Variants in ITPR2 observed in about 807,000 individuals in gnomAD.
ITPR2 encodes the protein inositol 1,4,5-trisphosphate receptor type 2, also known as inositol 1,4,5-trisphosphate-gated calcium channel ITPR2.
Under a neutral mutation model 317.1 loss-of-function variants are expected in ITPR2, and 207 were observed. The observed-to-expected ratio is 0.65, with a 90% CI of 0.58 to 0.73. The LOEUF (loss-of-function observed/expected upper bound fraction) is 0.73. Ranked by LOEUF, ITPR2 falls within the 30% of genes least tolerant of loss-of-function variation. The pLI, the probability that ITPR2 is intolerant of heterozygous loss-of-function variation, is 0.00. For synonymous variants in ITPR2, 1,156 were observed against 1,149.1 expected, an observed-to-expected ratio of 1.01 and a Z score of -0.12; for missense variants, 2,613 against 3,284.0, an observed-to-expected ratio of 0.80 and a Z score of 4.99.
intron 49 of ITPR2, among the ~76,000 whole-genome samples, chr12:26,421,731 G>C (rs888898755): frequency 2.6e-5 from 4 of 152,314 alleles, no homozygotes; most frequent in South Asian, 2.1e-4. Context: ...TGGTCACAAG[G>C]CTCTTCTGAG....
chr12:26,708,496 A>G (rs1279307538), intron 9 of ITPR2, among the ~76,000 whole-genome samples: 1 of 152,242 alleles, frequency 6.6e-6, no homozygotes, highest in Non-Finnish European at 1.5e-5. Flanking sequence ...TAAGCCAGGC[A>G]CAGAATGACA....
At chr12:26,427,368 C>G (rs1187190831) in intron 49 of ITPR2, among the ~76,000 whole-genome samples, 1 of 152,098 alleles carries the variant, frequency 6.6e-6, no homozygotes, top group Non-Finnish European at 1.5e-5. Context: ...TACTACTACT[C>G]TGTGCTTCCT....
At chr12:26,715,177 C>T (rs1488142397) in intron 8 of ITPR2, 122 bp downstream of exon 8, 4 of 955,346 alleles carry the variant, frequency 4.2e-6, no homozygotes, top group African/African-American at 3.3e-5. Flanking sequence ...AGTTGGTTCA[C>T]AAAAATTATT....
chr12:26,722,576 T>C, intron 4 of ITPR2, 21 bp from the exon 5 acceptor site: 1 of 1,571,104 alleles, frequency 6.4e-7, no homozygotes, highest in Non-Finnish European at 8.7e-7. Flanking sequence ...AAGACATAGA[T>C]TACCACCTTT....
intron 45 of ITPR2, among the ~76,000 whole-genome samples, chr12:26,454,345 CA>C (rs1466312578): frequency 6.6e-6 from 1 of 152,002 alleles, no homozygotes; most frequent in Non-Finnish European, 1.5e-5. Flanking sequence ...GCTGAGACTA[CA>C]AGCACGCACC....
At chr12:26,422,260 A>G (rs1249334289) in intron 49 of ITPR2, among the ~76,000 whole-genome samples, 1 of 150,518 alleles carries the variant, frequency 6.6e-6, no homozygotes, top group Admixed American at 6.6e-5. Context: ...TAATTATTTA[A>G]CCAATAATTA....
At chr12:26,693,479 C>A (rs1486917243) in intron 10 of ITPR2, among the ~76,000 whole-genome samples, 2 of 152,194 alleles carry the variant, frequency 1.3e-5, no homozygotes, top group Non-Finnish European at 2.9e-5. Flanking sequence ...ATACAAAAAT[C>A]TGCTCAAGTT....
At chr12:26,540,846 A>C (rs1944239202) in intron 37 of ITPR2, among the ~76,000 whole-genome samples, 1 of 152,212 alleles carries the variant, frequency 6.6e-6, no homozygotes, top group South Asian at 2.1e-4. Context: ...TGTTGCTTTT[A>C]TACCCACTTT....
At chr12:26,688,395 G>A (rs1319850892) in intron 10 of ITPR2, among the ~76,000 whole-genome samples, 1 of 151,888 alleles carries the variant, frequency 6.6e-6, no homozygotes, top group African/African-American at 2.4e-5. Flanking sequence ...TCCTTTGGTT[G>A]TTCTCATTAA....
intron 48 of ITPR2, among the ~76,000 whole-genome samples, chr12:26,434,988 T>G (rs1369784087): frequency 6.6e-6 from 1 of 152,222 alleles, no homozygotes; most frequent in Non-Finnish European, 1.5e-5. Flanking sequence ...CTATAATGGA[T>G]GGCCAAATAT....
chr12:26,524,378 CA>C (rs1271041508), intron 37 of ITPR2, among the ~76,000 whole-genome samples: 2 of 151,988 alleles, frequency 1.3e-5, no homozygotes, highest in East Asian at 1.9e-4. Flanking sequence ...AGGGATTAAT[CA>C]AAAAATATGC....
chr12:26,827,499 G>A lies in ITPR2; in HGVS notation c.92+5191C>T, dbSNP rs188602342. Among the ~76,000 whole-genome samples the A allele has an allele frequency of 1.2e-4, 19 of 152,240 alleles. 1 individual carries two copies. In the East Asian group the frequency reaches 3.7e-3, roughly 29 times the overall value. On this transcript the variant is annotated intron_variant, in intron 1 of 56. Coordinates refer to ENST00000381340, the MANE Select transcript of ITPR2 (RefSeq NM_002223.4). ...AATCCTCCCACATCTCCAGTCAGAGGGGCCTCCAAGAGAGGTCCGGTAAAC... is the reference window on the plus strand; with the variant it reads ...AATCCTCCCACATCTCCAGTCAGAGAGGCCTCCAAGAGAGGTCCGGTAAAC...
intron 37 of ITPR2, among the ~76,000 whole-genome samples, chr12:26,522,211 C>T (rs1943685011): frequency 1.3e-5 from 2 of 152,028 alleles, no homozygotes; most frequent in African/African-American, 4.8e-5. Flanking sequence ...ATTTAATTCC[C>T]TGAAGATTTT....
chr12:26,561,382 T>C (rs902916605), intron 35 of ITPR2, among the ~76,000 whole-genome samples: 1 of 152,190 alleles, frequency 6.6e-6, no homozygotes, highest in Non-Finnish European at 1.5e-5. Context: ...ACTATACAAG[T>C]AATTTGGGAG....
chr12:26,765,930 ATAATATTTCCAAGG>A (rs1194483240), intron 2 of ITPR2, among the ~76,000 whole-genome samples: 2 of 152,178 alleles, frequency 1.3e-5, no homozygotes, highest in African/African-American at 4.8e-5. Flanking sequence ...TTCACTTAGC[ATAATATTTCCAAGG>A]CTGATCTATG....
At chr12:26,752,336 G>A (rs534682347) in intron 2 of ITPR2, among the ~76,000 whole-genome samples, 101 of 152,304 alleles carry the variant, frequency 6.6e-4, no homozygotes, top group African/African-American at 1.9e-3. Context: ...AGATGGTTAA[G>A]GCATTCTAAG....
At chr12:26,784,380 A>ACGGTCTCCTTCCG in intron 2 of ITPR2, among the ~76,000 whole-genome samples, 1 of 76,376 alleles carries the variant, frequency 1.3e-5, no homozygotes, top group East Asian at 2.8e-4. Context: ...GTCTCCTTCC[A>ACGGTCTCCTTCCG]CGGTCTCCCT....
At chr12:26,696,139 C>G (rs1480702708) in intron 9 of ITPR2, among the ~76,000 whole-genome samples, 1 of 151,980 alleles carries the variant, frequency 6.6e-6, no homozygotes, top group African/African-American at 2.4e-5. Context: ...ACTACTGAAA[C>G]AAACAAACAC....
chr12:26,624,127 T>C (rs553125439), intron 24 of ITPR2, among the ~76,000 whole-genome samples, 172 bp downstream of exon 24: 52 of 152,320 alleles, frequency 3.4e-4, no homozygotes, highest in Non-Finnish European at 6.6e-4. Flanking sequence ...AGAAAAGCTA[T>C]GCTTTCTCCT....
Sources: gnomAD v4.1 joint callset for allele counts (sites outside exome capture counted in the v4.1 genomes callset) on GRCh38, gnomAD v4.1.1 for gene constraint, MANE v1.5 for transcripts, NCBI Gene and HGNC (gene_info 2026-07-23, HGNC 2026-07-21) for gene names.